HSD17B12: variants seen among roughly 807,000 people sequenced by gnomAD.
HSD17B12 encodes the protein hydroxysteroid 17-beta dehydrogenase 12, also known as very-long-chain 3-oxoacyl-CoA reductase.
In HSD17B12, 32 loss-of-function variants were observed where a neutral mutation model predicts 39.3. The ratio of observed to expected loss-of-function variants is 0.81; its 90% CI spans 0.61 to 1.09. HSD17B12 has a LOEUF of 1.09. Among genes scored for constraint, HSD17B12 ranks in the 50% least tolerant of loss-of-function variants. HSD17B12 has a pLI of 0.00. For missense variants in HSD17B12, 342 were observed against 382.9 expected (o/e 0.89, Z 0.89); for synonymous variants, 150 against 146.7 (o/e 1.02, Z -0.16).
chr11:43,595,912 G>A, the HSD17B12 span, among the ~76,000 whole-genome samples: 1 of 152,112 alleles, frequency 6.6e-6, no homozygotes, highest in Non-Finnish European at 1.5e-5. Context: ...ATGTTTTGGT[G>A]TTTGCAAGTT....
chr11:43,839,971 T>G, intron 8 of HSD17B12, 28 bp from the exon 9 acceptor site: 1 of 1,583,378 alleles, frequency 6.3e-7, no homozygotes, highest in Non-Finnish European at 8.7e-7. Flanking sequence ...ATGTGTGTGT[T>G]TTCTTCTCAC....
At chr11:43,840,441 A>C (rs1318856988) in intron 9 of HSD17B12, among the ~76,000 whole-genome samples, 1 of 152,084 alleles carries the variant, frequency 6.6e-6, no homozygotes, top group East Asian at 1.9e-4. Context: ...AATGGCATTA[A>C]GTACATTCAC....
At chr11:43,670,325 A>G in the HSD17B12 span, 1 of 152,204 alleles carries the variant, frequency 6.6e-6, no homozygotes, top group Non-Finnish European at 1.5e-5. Flanking sequence ...CACCCAGCAT[A>G]TCATGCTTTT....
chr11:43,799,176 T>C (rs1950942618), intron 4 of HSD17B12, among the ~76,000 whole-genome samples: 1 of 152,000 alleles, frequency 6.6e-6, no homozygotes, highest in Non-Finnish European at 1.5e-5. Context: ...CTCATGAAAT[T>C]TTAATACCAC....
intron 1 of HSD17B12, among the ~76,000 whole-genome samples, chr11:43,698,474 A>G (rs541595930): frequency 6.6e-6 from 1 of 152,224 alleles, no homozygotes; most frequent in Non-Finnish European, 1.5e-5. Flanking sequence ...AGTGTATTCC[A>G]TGTAGCACAT....
At chr11:43,728,089 C>T (rs1017172917) in intron 1 of HSD17B12, among the ~76,000 whole-genome samples, 4 of 151,446 alleles carry the variant, frequency 2.6e-5, no homozygotes, top group Middle Eastern at 3.4e-3. Context: ...TTTTTGAGAC[C>T]GAATCTTGCT....
At chr11:43,700,737 G>A (rs548426296) in intron 1 of HSD17B12, among the ~76,000 whole-genome samples, 5 of 152,150 alleles carry the variant, frequency 3.3e-5, no homozygotes, top group East Asian at 1.9e-4. Context: ...TTCATCTGTC[G>A]ACGGACACTT....
At chr11:43,668,907 G>C in the HSD17B12 span, among the ~76,000 whole-genome samples, 1 of 151,904 alleles carries the variant, frequency 6.6e-6, no homozygotes, top group Non-Finnish European at 1.5e-5. Context: ...TGCCCAGGCT[G>C]ATCACGAACT....
intron 1 of HSD17B12, among the ~76,000 whole-genome samples, chr11:43,741,173 A>G (rs1950361059): frequency 6.6e-6 from 1 of 152,250 alleles, no homozygotes; most frequent in Non-Finnish European, 1.5e-5. Context: ...CTTAGGTACC[A>G]CATTGATTAA....
intron 6 of HSD17B12, among the ~76,000 whole-genome samples, chr11:43,817,959 A>C (rs1391418481): frequency 6.6e-6 from 1 of 152,052 alleles, no homozygotes; most frequent in Non-Finnish European, 1.5e-5. Context: ...CACAATATTG[A>C]TTCTACCCAT....
the HSD17B12 span, among the ~76,000 whole-genome samples, chr11:43,674,240 C>G: frequency 5.9e-5 from 9 of 152,180 alleles, no homozygotes. Flanking sequence ...GCACAGAATA[C>G]TGCTGAATAG....
chr11:43,587,981 G>A, the HSD17B12 span, among the ~76,000 whole-genome samples: 1 of 152,186 alleles, frequency 6.6e-6, no homozygotes, highest in Admixed American at 6.5e-5. Context: ...AGGTAGTTCT[G>A]TTGAGATCTT....
the HSD17B12 span, chr11:43,559,899 A>G: frequency 5.8e-5 from 9 of 155,878 alleles, no homozygotes; most frequent in African/African-American, 2.2e-4. Context: ...AGAACTGGTT[A>G]TAGAATTCAT....
At chr11:43,719,149 T>G in intron 1 of HSD17B12, 1 of 756,912 alleles carries the variant, frequency 1.3e-6, no homozygotes, top group Non-Finnish European at 2.4e-6. Context: ...TCATCTAAAC[T>G]TAGTCCAGAT....
intron 4 of HSD17B12, among the ~76,000 whole-genome samples, chr11:43,809,702 C>T (rs530475190): frequency 2.0e-5 from 3 of 152,096 alleles, no homozygotes; most frequent in African/African-American, 4.8e-5. Context: ...TGCCTGTAAT[C>T]CCAGCTACTC....
At chr11:43,727,403 G>A (rs969766912) in intron 1 of HSD17B12, among the ~76,000 whole-genome samples, 2 of 152,160 alleles carry the variant, frequency 1.3e-5, no homozygotes, top group African/African-American at 4.8e-5. Context: ...AGGTTTCAGG[G>A]GAGTCCCAGT....
chr11:43,562,837 C>T, the HSD17B12 span, among the ~76,000 whole-genome samples: 1 of 152,220 alleles, frequency 6.6e-6, no homozygotes, highest in African/African-American at 2.4e-5. Flanking sequence ...AGGAACTCAA[C>T]TCTTTTGTCC....
rs4506638 is a variant in HSD17B12 at position 43,706,522 on chromosome 11, A to C, written c.160+25535A>C. Among the ~76,000 whole-genome samples the C allele has an allele frequency of 2.2e-3, 334 of 152,278 alleles. 2 individuals are homozygous for C. The Middle Eastern group carries it at 0.034, about 16-fold the overall frequency. On this transcript the variant is annotated intron_variant, in intron 1 of 10. Coordinates refer to ENST00000278353, the MANE Select transcript of HSD17B12 (RefSeq NM_016142.3). ...CACATCACTGCACTCTAGCCTGGGC[A>C]ACAGAGTGAGACTCTGTATCAAAAC...
intron 5 of HSD17B12, among the ~76,000 whole-genome samples, chr11:43,816,015 T>C (rs958870099): frequency 7.2e-5 from 11 of 152,232 alleles, no homozygotes; most frequent in African/African-American, 2.7e-4. Flanking sequence ...TTGAAAATCC[T>C]AGGTTCAGTA....
Sources: allele counts gnomAD v4.1 joint callset (sites outside exome capture counted in the v4.1 genomes callset), GRCh38; gene constraint gnomAD v4.1.1; transcripts MANE v1.5; gene names NCBI Gene and HGNC (gene_info 2026-07-23, HGNC 2026-07-21).